The following PSAT1 variants were observed in gnomAD, a reference collection of about 807,000 sequenced individuals.
PSAT1 encodes the protein phosphoserine aminotransferase.
Under a neutral mutation model 40.3 loss-of-function variants are expected in PSAT1, and 41 were observed. The ratio of observed to expected loss-of-function variants is 1.02; its 90% CI spans 0.79 to 1.32. The LOEUF is 1.32. Among genes scored for constraint, PSAT1 ranks in the 40% most tolerant of loss-of-function variants. PSAT1 has a pLI of 0.00. For missense variants in PSAT1, 406 were observed against 455.8 expected, an observed-to-expected ratio of 0.89 and a Z score of 0.99; for synonymous variants, 147 against 170.5, an observed-to-expected ratio of 0.86 and a Z score of 1.07.
chr9:78,323,066 T>G (rs746832622), intron 7 of PSAT1, among the ~76,000 whole-genome samples: 22 of 152,102 alleles, frequency 1.4e-4, no homozygotes, highest in Non-Finnish European at 2.6e-4. Flanking sequence ...GACCAGCAAG[T>G]CCAATGTAAG....
At chr9:78,321,196 C>T (rs1220990798) in intron 7 of PSAT1, among the ~76,000 whole-genome samples, 1 of 152,134 alleles carries the variant, frequency 6.6e-6, no homozygotes, top group African/African-American at 2.4e-5. Flanking sequence ...CCAGGACTTC[C>T]AGTCCTTTTA....
intron 1 of PSAT1, among the ~76,000 whole-genome samples, chr9:78,299,054 C>G (rs12335643): frequency 6.9e-6 from 1 of 145,226 alleles, no homozygotes; most frequent in Non-Finnish European, 1.5e-5. Context: ...GTGGGAGGAT[C>G]TCTTGAGCCC....
At chr9:78,326,976 G>C (rs1828509834) in intron 7 of PSAT1, among the ~76,000 whole-genome samples, 1 of 69,366 alleles carries the variant, frequency 1.4e-5, no homozygotes, top group African/African-American at 1.1e-4. Flanking sequence ...TTTTTTTTGA[G>C]ACAGAGTCTT....
intron 7 of PSAT1, among the ~76,000 whole-genome samples, chr9:78,320,093 C>G (rs1483265590): frequency 1.3e-5 from 2 of 151,170 alleles, no homozygotes; most frequent in Non-Finnish European, 3.0e-5. Flanking sequence ...TCATCTACCA[C>G]CTGCCTACCT....
intron 6 of PSAT1, among the ~76,000 whole-genome samples, chr9:78,317,307 C>A (rs973924238): frequency 1.3e-5 from 2 of 152,110 alleles, no homozygotes; most frequent in Non-Finnish European, 2.9e-5. Context: ...GGCTAGAGTG[C>A]ATTGGTGTGA....
intron 6 of PSAT1, among the ~76,000 whole-genome samples, chr9:78,308,903 C>T (rs2039326): frequency 0.79 from 119,988 of 152,134 alleles, 47,409 homozygotes; most frequent in Middle Eastern, 0.82. Flanking sequence ...TGCAGTGAGC[C>T]GAGATGGCAC....
chr9:78,325,885 G>A (rs1187201403), intron 7 of PSAT1, among the ~76,000 whole-genome samples: 1 of 152,180 alleles, frequency 6.6e-6, no homozygotes, highest in Non-Finnish European at 1.5e-5. Context: ...GCAGGGAGAG[G>A]AACTGTAAAT....
At chr9:78,322,002 G>A (rs907964898) in intron 7 of PSAT1, among the ~76,000 whole-genome samples, 1 of 151,800 alleles carries the variant, frequency 6.6e-6, no homozygotes. Context: ...AGAAACAGTG[G>A]TTGGCACACA....
In PSAT1 at chr9:78,329,336, G is replaced by A. The variant is rs187331280; in HGVS notation, c.*250G>A. The A allele has an allele frequency of 1.0e-5, 5 of 485,170 alleles. No homozygotes were observed. Among genetic ancestry groups the A allele is most frequent in the Non-Finnish European group, 1.9e-5 (5 of 266,640 alleles). The allele number at this position is 485,170 out of a possible 1,614,324, so 30.1% of individuals were successfully genotyped here. Reference sequence around the variant, plus strand: ...CTTGTTGCTTTTCTAACAAATTCCCGCGTATTTTGCCTTTGCTGCTACTTT... The same window carrying A: ...CTTGTTGCTTTTCTAACAAATTCCCACGTATTTTGCCTTTGCTGCTACTTT... On this transcript the variant is annotated 3_prime_UTR_variant, in exon 9 of 9. Transcript: ENST00000376588.
chr9:78,311,373 A>G (rs1264016467), intron 6 of PSAT1, among the ~76,000 whole-genome samples: 1 of 152,054 alleles, frequency 6.6e-6, no homozygotes, highest in Non-Finnish European at 1.5e-5. Flanking sequence ...ACCATCACCC[A>G]TTTCAGAAGT....
At chr9:78,306,517 C>A (rs762796408) in intron 5 of PSAT1, 31 bp downstream of exon 5, 1 of 1,613,680 alleles carries the variant, frequency 6.2e-7, no homozygotes, top group South Asian at 1.1e-5. Flanking sequence ...TGAGGGGAAC[C>A]CACTGACTCG....
chr9:78,298,035 G>A (rs1390679586), intron 1 of PSAT1, among the ~76,000 whole-genome samples: 2 of 151,314 alleles, frequency 1.3e-5, no homozygotes, highest in Non-Finnish European at 2.9e-5. Flanking sequence ...ACTTTGGGCT[G>A]CTTAACCCAA....
chr9:78,307,808 G>A (rs1243880075), intron 5 of PSAT1, among the ~76,000 whole-genome samples: 7 of 152,150 alleles, frequency 4.6e-5, no homozygotes, highest in African/African-American at 9.7e-5. Context: ...TTGGGAGGCC[G>A]AGGAGGGTGG....
At chr9:78,307,547 A>T (rs1394648484) in intron 5 of PSAT1, among the ~76,000 whole-genome samples, 1 of 152,124 alleles carries the variant, frequency 6.6e-6, no homozygotes, top group African/African-American at 2.4e-5. Context: ...CCAACGCTCA[A>T]TTTTCCTAAG....
rs561420026 is a variant in PSAT1 at position 78,297,176 on chromosome 9, C to T, written c.-35C>T. 3 of 1,584,216 alleles carry T rather than the reference C, an allele frequency of 1.9e-6. No individual in the cohort carries two copies. Among genetic ancestry groups the T allele is most frequent in the African/African-American group, 1.3e-5 (1 of 74,482 alleles). On this transcript the variant is annotated 5_prime_UTR_variant, in exon 1 of 9. Coordinates refer to ENST00000376588, the MANE Select transcript of PSAT1 (RefSeq NM_058179.4). ...ACGCCAGCCGTTCACGCGTTCGGTC[C>T]TCCTTGGCTGACTCACCGCCCTGGC...
At position 78,329,363 on chromosome 9, in the gene PSAT1, T is replaced by G; in HGVS notation, c.*277T>G. ...GTATTTTGCCTTTGCTGCTACTTTT[T>G]CTAGTTAGATTTCAAACTTGCCTGT... On this transcript the variant is annotated 3_prime_UTR_variant, in exon 9 of 9. Transcript: ENST00000376588. 2.3e-6 allele frequency: 1 copy of G among 429,830 alleles called. No homozygotes were observed. The highest frequency in any genetic ancestry group is 2.2e-5 in the South Asian group (1 of 46,230). 26.6% of individuals were successfully genotyped at this position (429,830 alleles called of 1,614,324 possible).
chr9:78,326,955 A>ATATATATATTTTTTTTTTTTT, intron 7 of PSAT1, among the ~76,000 whole-genome samples: 1 of 75,964 alleles, frequency 1.3e-5, no homozygotes, highest in African/African-American at 9.5e-5. Context: ...ATATATATAT[A>ATATATATATTTTTTTTTTTTT]TTTTTTTTTT....
chr9:78,315,645 T>C (rs1195227284), intron 6 of PSAT1, among the ~76,000 whole-genome samples: 1 of 151,936 alleles, frequency 6.6e-6, no homozygotes, highest in African/African-American at 2.4e-5. Context: ...TCAGGAGAGG[T>C]TGTTGGATGT....
chr9:78,307,585 G>T (rs1284185349), intron 5 of PSAT1, among the ~76,000 whole-genome samples: 1 of 152,158 alleles, frequency 6.6e-6, no homozygotes, highest in Non-Finnish European at 1.5e-5. Flanking sequence ...CATGGGAGAG[G>T]GTTCTGTATC....
Sources: gnomAD v4.1 joint callset for allele counts (sites outside exome capture counted in the v4.1 genomes callset) on GRCh38, gnomAD v4.1.1 for gene constraint, MANE v1.5 for transcripts, NCBI Gene and HGNC (gene_info 2026-07-23, HGNC 2026-07-21) for gene names.